The following DPP6 variants were observed in gnomAD, a reference collection of about 807,000 sequenced individuals.
The protein encoded by DPP6 is A-type potassium channel modulatory protein DPP6.
DPP6 carries 69 observed loss-of-function variants against 122.6 expected under a neutral mutation model. That is an observed-to-expected ratio of 0.56 (90% CI 0.46 to 0.69). The LOEUF (loss-of-function observed/expected upper bound fraction) is 0.69, where lower values mean the gene tolerates loss of function less well. Among genes scored for constraint, DPP6 ranks in the 30% least tolerant of loss-of-function variants. DPP6 has a pLI of 0.00. For synonymous variants in DPP6, 418 were observed against 433.1 expected (o/e 0.97, Z 0.43); for missense variants, 928 against 1,116.9 (o/e 0.83, Z 2.41).
In DPP6 at chr7:154,241,958, T is replaced by G. The variant is rs1171545793; in HGVS notation, c.243+188895T>G. Among the ~76,000 whole-genome samples, 1 of 152,334 alleles carries G rather than the reference T, an allele frequency of 6.6e-6. No homozygotes were observed. The highest frequency in any genetic ancestry group is 1.5e-5 in the Non-Finnish European group (1 of 68,040). ...GTAGATGTTAATCAAATTCTTTGCATGTGATTGCTCAGTCTCTTTTAACTT... is the reference window on the plus strand; with the variant it reads ...GTAGATGTTAATCAAATTCTTTGCAGGTGATTGCTCAGTCTCTTTTAACTT... On this transcript the variant is annotated intron_variant, in intron 1 of 25. Transcript: ENST00000377770. This position sits in a 1 kb window ranked among gnomAD's most constrained non-coding sequence, Gnocchi z 9.0.
intron 11 of DPP6, among the ~76,000 whole-genome samples, chr7:154,794,578 C>T (rs1587161183): frequency 6.6e-6 from 1 of 152,238 alleles, no homozygotes; most frequent in Non-Finnish European, 1.5e-5. Context: ...TCCCCAGACC[C>T]CGCCGACAGC....
intron 8 of DPP6, among the ~76,000 whole-genome samples, chr7:154,748,688 C>A (rs1735163021): frequency 6.6e-6 from 1 of 152,234 alleles, no homozygotes; most frequent in Admixed American, 6.5e-5. Context: ...GGCCAGGCCT[C>A]ACTCTTTCCC....
chr7:154,795,517 G>A (rs896828343), intron 11 of DPP6, among the ~76,000 whole-genome samples: 27 of 152,126 alleles, frequency 1.8e-4, no homozygotes, highest in East Asian at 5.8e-4. Flanking sequence ...ACACATGCCC[G>A]GGCAGTGATG....
intron 1 of DPP6, among the ~76,000 whole-genome samples, chr7:154,248,590 G>T (rs1378890999): frequency 6.6e-6 from 1 of 152,208 alleles, no homozygotes; most frequent in African/African-American, 2.4e-5. Context: ...ATTAGGCTGG[G>T]CGCCGTGGCT....
At chr7:154,106,641 G>C (rs1257059816) in intron 1 of DPP6, among the ~76,000 whole-genome samples, 1 of 151,562 alleles carries the variant, frequency 6.6e-6, no homozygotes, top group Non-Finnish European at 1.5e-5. Context: ...GTGGGTGAAG[G>C]AGGTCTGGGA....
chr7:154,169,493 T>C (rs1438783952), intron 1 of DPP6, among the ~76,000 whole-genome samples: 1 of 152,172 alleles, frequency 6.6e-6, no homozygotes, highest in Non-Finnish European at 1.5e-5. Context: ...TATGGGACTT[T>C]AGAGAGGGCA....
rs543345124 is a variant in DPP6, at chr7:154,462,153, T to C, written c.359-12786T>C. Among the ~76,000 whole-genome samples the C allele has an allele frequency of 2.6e-5, 4 of 152,310 alleles. No individual in the cohort carries two copies. In the South Asian group the frequency reaches 6.2e-4, roughly 24 times the overall value. On this transcript the variant is annotated intron_variant, in intron 2 of 25. Coordinates refer to ENST00000377770, the MANE Select transcript of DPP6 (RefSeq NM_130797.4). ...CAATATATGTTCTTGGCAATTTTGC[T>C]GAAGATGAGTTCACTGTAGGTATAT...
At chr7:154,419,565 T>C (rs1817288838) in intron 1 of DPP6, among the ~76,000 whole-genome samples, 1 of 152,160 alleles carries the variant, frequency 6.6e-6, no homozygotes, top group Non-Finnish European at 1.5e-5. Context: ...ACCAGCGACC[T>C]CCCACACCCT....
the DPP6 span, among the ~76,000 whole-genome samples, chr7:153,866,303 C>T: frequency 3.3e-5 from 5 of 152,308 alleles, no homozygotes; most frequent in South Asian, 1.0e-3. Context: ...TCTACATCCT[C>T]TCCAGCACCT....
At chr7:154,872,499 T>C in intron 18 of DPP6, 125 bp from the exon 19 acceptor site, 1 of 1,422,126 alleles carries the variant, frequency 7.0e-7, no homozygotes, top group East Asian at 2.5e-5. Context: ...GGCCAGTCTC[T>C]GTCTGTGGGC....
intron 1 of DPP6, among the ~76,000 whole-genome samples, chr7:154,304,788 C>A (rs957784054): frequency 6.6e-6 from 1 of 152,224 alleles, no homozygotes; most frequent in Non-Finnish European, 1.5e-5. Flanking sequence ...GCTCCCAGAC[C>A]CCCTTCCTTC....
intron 1 of DPP6, among the ~76,000 whole-genome samples, chr7:154,265,174 G>A (rs535795927): frequency 2.6e-5 from 4 of 152,138 alleles, no homozygotes; most frequent in South Asian, 2.1e-4. Context: ...TAATGATGGT[G>A]ATGATAATGA....
intron 1 of DPP6, among the ~76,000 whole-genome samples, chr7:154,170,683 C>T (rs184334590): frequency 4.6e-5 from 7 of 152,302 alleles, no homozygotes; most frequent in South Asian, 4.2e-4. Context: ...TGAAACAGGA[C>T]GCAAGGACTG....
At position 154,292,151 on chromosome 7, in the gene DPP6, G is replaced by A. The variant is rs571950493; in HGVS notation, c.244-154063G>A. 3.9e-5 allele frequency among the ~76,000 whole-genome samples: 6 copies of A among 152,216 alleles called. No homozygotes were observed. The East Asian group carries it at 1.2e-3, about 29-fold the overall frequency. On this transcript the variant is annotated intron_variant, in intron 1 of 25. Coordinates refer to ENST00000377770, the MANE Select transcript of DPP6 (RefSeq NM_130797.4). ...CAATATAGAGATATGGCACTCTTAC[G>A]TCTTGTGTCAGCTGTATCTGTTATC...
At chr7:153,845,184 G>A in the DPP6 span, among the ~76,000 whole-genome samples, 1 of 152,174 alleles carries the variant, frequency 6.6e-6, no homozygotes, top group African/African-American at 2.4e-5. Flanking sequence ...CTTATATTAA[G>A]AATGCTTATA....
At chr7:154,418,957 T>G (rs1168607685) in intron 1 of DPP6, among the ~76,000 whole-genome samples, 1 of 152,208 alleles carries the variant, frequency 6.6e-6, no homozygotes, top group African/African-American at 2.4e-5. Context: ...GTCAGGCACT[T>G]GACCTGTGTT....
intron 13 of DPP6, among the ~76,000 whole-genome samples, chr7:154,801,707 C>T (rs994335481): frequency 2.0e-5 from 3 of 152,082 alleles, no homozygotes; most frequent in Non-Finnish European, 4.4e-5. Context: ...TCAGCAGAGA[C>T]CCTGGGGTCC....
rs1218645812 is a variant in DPP6, at chr7:154,556,530, A to G, written c.553-10312A>G. 3.3e-5 allele frequency among the ~76,000 whole-genome samples: 5 copies of G among 152,240 alleles called. No individual in the cohort carries two copies. In the East Asian group the frequency reaches 7.7e-4, roughly 23 times the overall value. ...ATGTAATGTAAGTCTCATTGTACAA[A>G]TACACAAAATTACGTTCCAATTGGA... On this transcript the variant is annotated intron_variant, in intron 4 of 25. Transcript: ENST00000377770.
chr7:154,383,696 C>T (rs1813829156), intron 1 of DPP6, among the ~76,000 whole-genome samples: 1 of 151,926 alleles, frequency 6.6e-6, no homozygotes, highest in African/African-American at 2.4e-5. Flanking sequence ...TCGAGACCAG[C>T]CTGGCCAACA....
Sources: allele counts gnomAD v4.1 joint callset (sites outside exome capture counted in the v4.1 genomes callset), GRCh38; gene constraint gnomAD v4.1.1; non-coding constraint Gnocchi (gnomAD v3.1); transcripts MANE v1.5; gene names NCBI Gene and HGNC (gene_info 2026-07-23, HGNC 2026-07-21).